The following PFKFB4 variants were observed in gnomAD, a reference collection of about 807,000 sequenced individuals.
PFKFB4 encodes the protein 6-phosphofructo-2-kinase/fructose-2,6-bisphosphatase 4.
In PFKFB4, 42 loss-of-function variants were observed where a neutral mutation model predicts 62.8. That is an observed-to-expected ratio of 0.67 (90% CI 0.52 to 0.86). The LOEUF is 0.86. Ranked by LOEUF, PFKFB4 falls within the 40% of genes least tolerant of loss-of-function variation. The pLI, the probability that PFKFB4 is intolerant of heterozygous loss-of-function variation, is 0.00. For missense variants in PFKFB4, 475 were observed against 627.2 expected (o/e 0.76, Z 2.59); for synonymous variants, 204 against 240.7 (o/e 0.85, Z 1.41).
At chr3:48,536,668 G>C in intron 7 of PFKFB4, 1 of 557,576 alleles carries the variant, frequency 1.8e-6, no homozygotes, top group Non-Finnish European at 3.2e-6. Flanking sequence ...AAACCCTGTG[G>C]GAGACGGGAG....
intron 9 of PFKFB4, among the ~76,000 whole-genome samples, chr3:48,528,226 C>T (rs1560155082): frequency 6.6e-6 from 1 of 152,012 alleles, no homozygotes; most frequent in Non-Finnish European, 1.5e-5. Flanking sequence ...GTGGAGAAAT[C>T]AGAGCCCTCA....
chr3:48,563,122 C>A, upstream of PFKFB4: 1 of 1,608,156 alleles, frequency 6.2e-7, no homozygotes, highest in South Asian at 1.1e-5. The surrounding 1 kb of genome is among the most constrained non-coding windows in gnomAD (Gnocchi z 4.5). Context: ...CACACCTGGT[C>A]ATCGTGAGGT....
chr3:48,529,835 TC>T (rs1560156711), intron 9 of PFKFB4, among the ~76,000 whole-genome samples: 1 of 152,060 alleles, frequency 6.6e-6, no homozygotes. Context: ...ACACCTGTGG[TC>T]CCAGCTACTC....
At chr3:48,559,099 A>T (rs2043393142), upstream of PFKFB4, among the ~76,000 whole-genome samples, 1 of 152,186 alleles carries the variant, frequency 6.6e-6, no homozygotes, top group Non-Finnish European at 1.5e-5. Context: ...TGGCCTGGGC[A>T]GGGGGCCAGG....
intron 8 of PFKFB4, among the ~76,000 whole-genome samples, chr3:48,535,979 C>T (rs1281110845): frequency 2.6e-5 from 4 of 152,224 alleles, no homozygotes; most frequent in Non-Finnish European, 4.4e-5. Flanking sequence ...ATCTGCTACA[C>T]TGTATGGACT....
intron 9 of PFKFB4, chr3:48,526,061 TA>T (rs950486049): frequency 1.0e-3 from 146 of 145,676 alleles, no homozygotes; most frequent in South Asian, 1.3e-3. Flanking sequence ...CAAATGCCAT[TA>T]AAAAAAAAAA....
At chr3:48,557,347 T>G (rs915053420), upstream of PFKFB4, among the ~76,000 whole-genome samples, 1 of 152,194 alleles carries the variant, frequency 6.6e-6, no homozygotes, top group Non-Finnish European at 1.5e-5. Flanking sequence ...GTCCCAGCCG[T>G]CAACTCCGCT....
At chr3:48,525,396 T>C (rs1204187036) in intron 10 of PFKFB4, among the ~76,000 whole-genome samples, 169 bp downstream of exon 10, 2 of 152,080 alleles carry the variant, frequency 1.3e-5, no homozygotes, top group Non-Finnish European at 2.9e-5. Context: ...CTGGGCTGCA[T>C]AGCTGGGAAG....
chr3:48,549,783 T>G, intron 3 of PFKFB4, 81 bp downstream of exon 3: 1 of 886,212 alleles, frequency 1.1e-6, no homozygotes, highest in South Asian at 1.4e-5. Flanking sequence ...GGCTTCTCAG[T>G]AAATGGTCAG....
chr3:48,528,482 T>C (rs528801361), intron 9 of PFKFB4, among the ~76,000 whole-genome samples: 24 of 152,156 alleles, frequency 1.6e-4, no homozygotes, highest in African/African-American at 5.8e-4. Flanking sequence ...GGCAACATGA[T>C]GAAACCCCAT....
chr3:48,532,294 A>T (rs576116303), intron 9 of PFKFB4, among the ~76,000 whole-genome samples: 1 of 152,352 alleles, frequency 6.6e-6, no homozygotes, highest in Non-Finnish European at 1.5e-5. Context: ...TGGGCGACAG[A>T]GCGAGATTCC....
intron 12 of PFKFB4, among the ~76,000 whole-genome samples, chr3:48,522,835 A>G (rs949367469): frequency 1.3e-5 from 2 of 149,956 alleles, no homozygotes; most frequent in African/African-American, 4.9e-5. Context: ...ATCTCGGCTC[A>G]CTGCAAGTTC....
At chr3:48,549,244 C>G (rs993869406) in intron 3 of PFKFB4, among the ~76,000 whole-genome samples, 38 of 152,298 alleles carry the variant, frequency 2.5e-4, no homozygotes, top group Non-Finnish European at 5.1e-4. Context: ...TCCAGAGTAA[C>G]AGCAGAAGTG....
At chr3:48,526,476 A>C (rs965150737) in intron 9 of PFKFB4, among the ~76,000 whole-genome samples, 3 of 147,164 alleles carry the variant, frequency 2.0e-5, no homozygotes, top group African/African-American at 5.0e-5. Context: ...AGGAGGCTGA[A>C]GCAGGAGAAT....
intron 9 of PFKFB4, among the ~76,000 whole-genome samples, chr3:48,533,240 G>T (rs1298963807): frequency 1.3e-5 from 2 of 152,092 alleles, no homozygotes; most frequent in Non-Finnish European, 2.9e-5. Flanking sequence ...TGGGTACAGA[G>T]TTTCTGTTTT....
upstream of PFKFB4, among the ~76,000 whole-genome samples, chr3:48,560,814 G>A (rs546882279): frequency 1.6e-4 from 24 of 152,096 alleles, no homozygotes; most frequent in African/African-American, 5.3e-4. Flanking sequence ...GCCAGCTGGC[G>A]GTCCCTCCCC....
chr3:48,556,843 C>T, upstream of PFKFB4: 4 of 1,498,506 alleles, frequency 2.7e-6, no homozygotes, highest in South Asian at 1.3e-5. The surrounding 1 kb of genome is among the most constrained non-coding windows in gnomAD (Gnocchi z 5.7). Flanking sequence ...TCGGGCCACC[C>T]GAGGTCCCGC....
chr3:48,562,606 G>C, upstream of PFKFB4: 1 of 645,848 alleles, frequency 1.5e-6, no homozygotes, highest in Non-Finnish European at 2.6e-6. The surrounding 1 kb of genome is among the most constrained non-coding windows in gnomAD (Gnocchi z 4.3). Context: ...GGGGCACTCA[G>C]ATCTGATATG....
At chr3:48,561,475 G>C (rs2043433168), upstream of PFKFB4, 1 of 157,248 alleles carries the variant, frequency 6.4e-6, no homozygotes, top group African/African-American at 2.4e-5. The surrounding 1 kb of genome is among the most constrained non-coding windows in gnomAD (Gnocchi z 5.2). Context: ...CTCTGGCCCA[G>C]CAATGGAGTT....
Sources: allele counts gnomAD v4.1 joint callset (sites outside exome capture counted in the v4.1 genomes callset), GRCh38; gene constraint gnomAD v4.1.1; non-coding constraint Gnocchi (gnomAD v3.1); transcripts MANE v1.5; gene names NCBI Gene and HGNC (gene_info 2026-07-23, HGNC 2026-07-21).